TTC28: variants seen among roughly 807,000 people sequenced by gnomAD.
TTC28 encodes tetratricopeptide repeat protein 28.
TTC28 carries 61 observed loss-of-function variants against 198.0 expected under a neutral mutation model. That is an observed-to-expected ratio of 0.31 (90% CI 0.25 to 0.38). The LOEUF (loss-of-function observed/expected upper bound fraction) is 0.38. Among genes scored for constraint, TTC28 ranks in the 10% least tolerant of loss-of-function variants. The pLI, the probability that TTC28 is intolerant of heterozygous loss-of-function variation, is 1.00. For synonymous variants in TTC28, 1,171 were observed against 1,297.8 expected, an observed-to-expected ratio of 0.90 and a Z score of 2.10; for missense variants, 2,678 against 3,164.0, an observed-to-expected ratio of 0.85 and a Z score of 3.69.
Position 28,108,296 on chromosome 22 carries a change from A to T in TTC28, c.1549T>A (p.Tyr517Asn). The part of the protein sequence containing the change: ...LSDYAAQGRA[Y>N]GNMGNAYNAL... ...TTGTAGGCATTGCCCATATTCCCAT[A>T]GGCACGGCCCTGGGCAGCATAATCA... Residue 517 changes from tyrosine to asparagine, a missense_variant, in exon 7 of 23, where the codon TAT (tyrosine) becomes AAT (asparagine). Tyr to Asn is a moderately radical substitution (Grantham distance 143, BLOSUM62 -2). Transcript: ENST00000397906. The T allele has an allele frequency of 6.5e-7, 1 of 1,544,966 alleles. No individual in the cohort carries two copies. Among genetic ancestry groups the T allele is most frequent in the South Asian group, 1.2e-5 (1 of 83,592 alleles).
intron 5 of TTC28, among the ~76,000 whole-genome samples, chr22:28,215,898 G>GA (rs1361079578): frequency 2.0e-5 from 3 of 152,072 alleles, no homozygotes; most frequent in Admixed American, 1.3e-4. Context: ...AAATCAGAGA[G>GA]AAAAAAGCCA....
At chr22:28,622,796 G>A (rs1323079724) in intron 2 of TTC28, among the ~76,000 whole-genome samples, 4 of 151,884 alleles carry the variant, frequency 2.6e-5, no homozygotes, top group Non-Finnish European at 4.4e-5. Flanking sequence ...GTAGAAGGCT[G>A]GAATGTCTAT....
chr22:28,470,249 G>T (rs372615501), intron 2 of TTC28, among the ~76,000 whole-genome samples: 1 of 152,190 alleles, frequency 6.6e-6, no homozygotes. Context: ...GGCCTTAAAC[G>T]CAGAGACTAA....
At chr22:28,139,249 G>A (rs1569158674) in intron 6 of TTC28, among the ~76,000 whole-genome samples, 1 of 152,094 alleles carries the variant, frequency 6.6e-6, no homozygotes, top group Non-Finnish European at 1.5e-5. Flanking sequence ...GAGGCATGTA[G>A]GGAAATAAGA....
At chr22:28,164,855 AG>A (rs1921710912) in intron 5 of TTC28, among the ~76,000 whole-genome samples, 1 of 152,214 alleles carries the variant, frequency 6.6e-6, no homozygotes, top group African/African-American at 2.4e-5. Flanking sequence ...TGAGAGAAGA[AG>A]GCTTCAGATG....
intron 5 of TTC28, among the ~76,000 whole-genome samples, chr22:28,192,228 CCTGA>C (rs1201587472): frequency 6.6e-6 from 1 of 152,120 alleles, no homozygotes; most frequent in Non-Finnish European, 1.5e-5. Flanking sequence ...AGCTGAGGGT[CCTGA>C]CTGTCAGAAG....
intron 2 of TTC28, among the ~76,000 whole-genome samples, chr22:28,401,232 T>TGACGAC (rs879357486): frequency 6.6e-6 from 1 of 151,270 alleles, no homozygotes; most frequent in Non-Finnish European, 1.5e-5. Flanking sequence ...ACGACGACGA[T>TGACGAC]GACGACGACG....
At chr22:28,033,245 G>A (rs1266556634) in intron 12 of TTC28, among the ~76,000 whole-genome samples, 1 of 152,080 alleles carries the variant, frequency 6.6e-6, no homozygotes, top group East Asian at 1.9e-4. Flanking sequence ...TAACACCGAA[G>A]GGAACAACAA....
At chr22:28,226,702 A>C (rs531604440) in intron 5 of TTC28, among the ~76,000 whole-genome samples, 1 of 152,306 alleles carries the variant, frequency 6.6e-6, no homozygotes, top group South Asian at 2.1e-4. Flanking sequence ...TGTTGGGATT[A>C]GAGACGTGAC....
At chr22:28,233,832 C>T (rs893466523) in intron 5 of TTC28, among the ~76,000 whole-genome samples, 3 of 152,020 alleles carry the variant, frequency 2.0e-5, no homozygotes, top group African/African-American at 4.8e-5. Context: ...GCAACTTCTG[C>T]CTCCTGGGTT....
intron 2 of TTC28, among the ~76,000 whole-genome samples, chr22:28,333,908 TG>T (rs2045658419): frequency 6.6e-6 from 1 of 152,132 alleles, no homozygotes; most frequent in Non-Finnish European, 1.5e-5. Flanking sequence ...CGTGCAGGTT[TG>T]TTACATATGT....
intron 2 of TTC28, among the ~76,000 whole-genome samples, chr22:28,560,826 G>A (rs1005205620): frequency 1.3e-4 from 20 of 148,194 alleles, no homozygotes; most frequent in African/African-American, 3.7e-4. Context: ...GGCATGTCTC[G>A]GCTCACTCCA....
intron 2 of TTC28, among the ~76,000 whole-genome samples, chr22:28,570,900 G>A (rs2050049074): frequency 6.6e-6 from 1 of 152,132 alleles, no homozygotes; most frequent in Non-Finnish European, 1.5e-5. Context: ...CTACAGAGGA[G>A]TGTGGGAATT....
intron 2 of TTC28, among the ~76,000 whole-genome samples, chr22:28,609,515 G>T (rs2050784836): frequency 6.6e-6 from 1 of 152,202 alleles, no homozygotes. Context: ...GAGAAGCCAT[G>T]AGGGGCTGTG....
chr22:28,519,151 C>T (rs931181978), intron 2 of TTC28, among the ~76,000 whole-genome samples: 2 of 152,064 alleles, frequency 1.3e-5, no homozygotes, highest in African/African-American at 4.8e-5. Flanking sequence ...ATATACTAAG[C>T]GGAAGGTAAC....
intron 2 of TTC28, among the ~76,000 whole-genome samples, chr22:28,613,119 CA>C (rs972065728): frequency 6.6e-6 from 1 of 151,766 alleles, no homozygotes; most frequent in Non-Finnish European, 1.5e-5. Flanking sequence ...AGAGAAGAAT[CA>C]AAAAAACACA....
chr22:28,090,722 T>C (rs990117806), intron 12 of TTC28, among the ~76,000 whole-genome samples: 2 of 152,238 alleles, frequency 1.3e-5, no homozygotes, highest in Admixed American at 6.5e-5. Context: ...AAAAAATATT[T>C]ACTAAATTTG....
chr22:28,000,814 GTTT>G (rs1181093451), intron 15 of TTC28: 1 of 152,656 alleles, frequency 6.6e-6, no homozygotes, highest in Non-Finnish European at 1.5e-5. Flanking sequence ...ATTTTTGGGC[GTTT>G]TTTTCCAAAT....
intron 14 of TTC28, chr22:28,008,678 G>C (rs566200488): frequency 2.0e-5 from 3 of 152,198 alleles, no homozygotes; most frequent in African/African-American, 7.2e-5. Context: ...TTGACCAAAC[G>C]TAAGGTATTC....
Sources: gnomAD v4.1 joint callset for allele counts (sites outside exome capture counted in the v4.1 genomes callset) on GRCh38, gnomAD v4.1.1 for gene constraint, MANE v1.5 for transcripts, NCBI Gene and HGNC (gene_info 2026-07-23, HGNC 2026-07-21) for gene names.